The following OPCML variants were observed in gnomAD, a reference collection of about 807,000 sequenced individuals.
OPCML encodes opioid-binding protein/cell adhesion molecule.
A neutral mutation model predicts 37.8 loss-of-function variants in OPCML; 13 were observed. That is an observed-to-expected ratio of 0.34 (90% CI 0.22 to 0.55). The LOEUF (loss-of-function observed/expected upper bound fraction) is 0.55, where lower values mean the gene tolerates loss of function less well. OPCML is among the 20% of genes least tolerant of loss of function. OPCML has a pLI of 0.91. For missense variants in OPCML, 341 were observed against 435.6 expected, an observed-to-expected ratio of 0.78 and a Z score of 1.93; for synonymous variants, 176 against 168.8, an observed-to-expected ratio of 1.04 and a Z score of -0.33.
In OPCML at chr11:132,419,033, G is replaced by A. The variant is rs941384729; in HGVS notation, c.*1160C>T. On this transcript the variant is annotated 3_prime_UTR_variant, in exon 8 of 8. Coordinates refer to ENST00000524381, the MANE Select transcript of OPCML (RefSeq NM_001012393.5). ...TATCTGTTAGTGTCTCCCTTGGGTG[G>A]ATAGGATACCAGATTTTAAAGAGTC... The A allele has an allele frequency of 1.3e-5, 2 of 152,644 alleles. No individual in the cohort carries two copies. Among genetic ancestry groups the A allele is most frequent in the Non-Finnish European group, 2.9e-5 (2 of 68,030 alleles). 9.5% of individuals were successfully genotyped at this position (152,644 alleles called of 1,614,324 possible).
At chr11:133,266,332 G>A (rs755462387) in intron 1 of OPCML, among the ~76,000 whole-genome samples, 6 of 152,034 alleles carry the variant, frequency 3.9e-5, no homozygotes, top group Non-Finnish European at 8.8e-5. Flanking sequence ...TGCTGTCCCT[G>A]TAGCTGGGAG....
intron 1 of OPCML, among the ~76,000 whole-genome samples, chr11:133,113,574 T>C (rs964071628): frequency 2.6e-5 from 4 of 152,226 alleles, no homozygotes; most frequent in African/African-American, 4.8e-5. Flanking sequence ...ACTTGATTGC[T>C]CTTTTCATAG....
chr11:133,413,513 A>G (rs2136873468), intron 1 of OPCML, among the ~76,000 whole-genome samples: 1 of 151,116 alleles, frequency 6.6e-6, no homozygotes, highest in African/African-American at 2.4e-5. Context: ...ATATATAAAA[A>G]CAAACAAAAA....
intron 2 of OPCML, among the ~76,000 whole-genome samples, chr11:132,740,494 T>A (rs1159179488): frequency 5.9e-5 from 9 of 152,190 alleles, no homozygotes; most frequent in Non-Finnish European, 1.3e-4. Flanking sequence ...CATTCTTCAA[T>A]GTTTCTTCAG....
chr11:132,858,400 C>T (rs1026401731), intron 2 of OPCML, among the ~76,000 whole-genome samples: 3 of 152,196 alleles, frequency 2.0e-5, no homozygotes, highest in Non-Finnish European at 4.4e-5. Context: ...TGCACCTCCT[C>T]GGCTTCCCCC....
intron 1 of OPCML, among the ~76,000 whole-genome samples, chr11:133,180,888 T>C (rs1937795627): frequency 6.6e-6 from 1 of 150,834 alleles, no homozygotes; most frequent in South Asian, 2.1e-4. Flanking sequence ...TTTAAAACTG[T>C]TTTATGTTCA....
chr11:132,515,062 C>G (rs754288129), intron 4 of OPCML, among the ~76,000 whole-genome samples: 1 of 152,110 alleles, frequency 6.6e-6, no homozygotes, highest in Non-Finnish European at 1.5e-5. Context: ...GTGTGAAGAG[C>G]AGAGGTGAGC....
chr11:132,633,214 T>G (rs1272903870), intron 3 of OPCML, among the ~76,000 whole-genome samples: 1 of 152,016 alleles, frequency 6.6e-6, no homozygotes, highest in Non-Finnish European at 1.5e-5. Context: ...TCTCTCTCTT[T>G]TTTTCTGAGA....
intron 4 of OPCML, among the ~76,000 whole-genome samples, chr11:132,513,480 G>A (rs1377517640): frequency 6.6e-6 from 1 of 152,104 alleles, no homozygotes; most frequent in Non-Finnish European, 1.5e-5. Context: ...GGAAAGCAGT[G>A]TCATAATGGG....
At chr11:132,578,988 A>G (rs2096456697) in intron 3 of OPCML, among the ~76,000 whole-genome samples, 1 of 152,198 alleles carries the variant, frequency 6.6e-6, no homozygotes, top group Non-Finnish European at 1.5e-5. Context: ...AAGAAAAAAA[A>G]AAGCAAAATT....
At chr11:132,980,083 T>G (rs1244405692) in intron 1 of OPCML, among the ~76,000 whole-genome samples, 1 of 152,156 alleles carries the variant, frequency 6.6e-6, no homozygotes, top group East Asian at 1.9e-4. Context: ...TGCCTCAAAA[T>G]GTGAATAAGA....
intron 4 of OPCML, among the ~76,000 whole-genome samples, chr11:132,489,829 A>G (rs924369156): frequency 4.0e-5 from 6 of 151,852 alleles, no homozygotes; most frequent in African/African-American, 1.5e-4. Flanking sequence ...TGCTCATGCT[A>G]TTCCTCCCCT....
At chr11:132,815,261 T>C (rs547762942) in intron 2 of OPCML, among the ~76,000 whole-genome samples, 1 of 152,308 alleles carries the variant, frequency 6.6e-6, no homozygotes, top group East Asian at 1.9e-4. Context: ...TAAGTCTTGC[T>C]ATGAGAATAG....
At chr11:132,973,217 G>C (rs1417941438) in intron 1 of OPCML, among the ~76,000 whole-genome samples, 1 of 152,054 alleles carries the variant, frequency 6.6e-6, no homozygotes, top group Non-Finnish European at 1.5e-5. Context: ...CTCCTTCTAA[G>C]GGATTTTATG....
intron 2 of OPCML, among the ~76,000 whole-genome samples, chr11:132,778,397 AC>A (rs1946879722): frequency 6.6e-6 from 1 of 152,260 alleles, no homozygotes; most frequent in Non-Finnish European, 1.5e-5. Context: ...GGCAGTTGGT[AC>A]GATACTAAGA....
chr11:133,324,518 C>G (rs1442288718), intron 1 of OPCML, among the ~76,000 whole-genome samples: 1 of 152,180 alleles, frequency 6.6e-6, no homozygotes, highest in African/African-American at 2.4e-5. Context: ...AATTCTGGGT[C>G]TGTATAAAAC....
At chr11:132,979,557 C>T (rs1013267272) in intron 1 of OPCML, among the ~76,000 whole-genome samples, 17 of 152,252 alleles carry the variant, frequency 1.1e-4, no homozygotes, top group African/African-American at 9.6e-5. Flanking sequence ...CCACAACCCT[C>T]CCACGGTCTC....
chr11:133,071,634 T>C (rs1385357646), intron 1 of OPCML, among the ~76,000 whole-genome samples: 2 of 152,182 alleles, frequency 1.3e-5, no homozygotes, highest in Non-Finnish European at 2.9e-5. Flanking sequence ...CAAATGTAAA[T>C]GTAGATCATA....
intron 1 of OPCML, chr11:133,365,538 A>G (rs1306885953): frequency 1.3e-5 from 2 of 152,166 alleles, no homozygotes; most frequent in African/African-American, 2.4e-5. Flanking sequence ...ACCTCCAAAT[A>G]CCATCCTGTT....
Sources: allele counts gnomAD v4.1 joint callset (sites outside exome capture counted in the v4.1 genomes callset), GRCh38; gene constraint gnomAD v4.1.1; transcripts MANE v1.5; gene names NCBI Gene and HGNC (gene_info 2026-07-23, HGNC 2026-07-21).